Variants in SART1 observed in about 807,000 individuals in gnomAD.
SART1 encodes spliceosome associated factor 1, recruiter of U4/U6.U5 tri-snRNP, also known as U4/U6.U5 tri-snRNP-associated protein 1.
SART1 carries 28 observed loss-of-function variants against 105.0 expected under a neutral mutation model. The ratio of observed to expected loss-of-function variants is 0.27; its 90% CI spans 0.20 to 0.37. The LOEUF (loss-of-function observed/expected upper bound fraction) is 0.37. SART1 is among the 10% of genes least tolerant of loss of function. SART1 has a pLI of 1.00. For synonymous variants in SART1, 472 were observed against 462.9 expected (o/e 1.02, Z -0.25); for missense variants, 894 against 1,106.5 (o/e 0.81, Z 2.72).
At chr11:65,962,172 C>T (rs1855157803) in intron 1 of SART1, 79 bp downstream of exon 1, 22 of 1,079,286 alleles carry the variant, frequency 2.0e-5, no homozygotes, top group Non-Finnish European at 2.6e-5. Flanking sequence ...CGCGCAGTGT[C>T]AGCGAAGCTC....
chr11:65,974,851 C>G (rs746996626), intron 12 of SART1, among the ~76,000 whole-genome samples: 1 of 151,766 alleles, frequency 6.6e-6, no homozygotes, highest in Non-Finnish European at 1.5e-5. Context: ...CAGGCTAGTA[C>G]GGTGAAACCC....
rs988139258 is a variant in SART1, at chr11:65,977,109, G to C, written c.1945+8G>C. Reference sequence around the variant, plus strand: ...TCCTGTGTCAGAACAAAGGTAGGGAGCTCAGGGCAGCCATGACTTGGGTGG... The same window carrying C: ...TCCTGTGTCAGAACAAAGGTAGGGACCTCAGGGCAGCCATGACTTGGGTGG... On this transcript the variant is annotated splice_region_variant and intron_variant, in intron 15 of 19. Transcript: ENST00000312397. 1 of 1,609,458 alleles carries C rather than the reference G, an allele frequency of 6.2e-7. No individual in the cohort carries two copies. Among genetic ancestry groups the C allele is most frequent in the Admixed American group, 1.7e-5 (1 of 59,982 alleles).
At chr11:65,963,902 C>G (rs143726227) in intron 1 of SART1, 172 bp from the exon 2 acceptor site, 3 of 624,654 alleles carry the variant, frequency 4.8e-6, no homozygotes, top group Non-Finnish European at 8.5e-6. Context: ...AGACTGGACT[C>G]GGGCAGAGGA....
At chr11:65,977,961 A>C in intron 17 of SART1, 62 bp downstream of exon 17, 1 of 1,545,224 alleles carries the variant, frequency 6.5e-7, no homozygotes, top group Non-Finnish European at 8.8e-7. Flanking sequence ...GCCCAGGGCC[A>C]TGCAATGCCC....
Position 65,976,999 on chromosome 11 carries a change from C to G in SART1, c.1858-15C>G. 1 of 1,610,180 alleles carries G rather than the reference C, an allele frequency of 6.2e-7. No homozygotes were observed. Among genetic ancestry groups the G allele is most frequent in the Non-Finnish European group, 8.5e-7 (1 of 1,176,500 alleles). Reference sequence around the variant, plus strand: ...CGGTATGGCCTGCTAACCACCCCCGCCACGTGTCCCGTAGTTCTCTGCTTC... The same window carrying G: ...CGGTATGGCCTGCTAACCACCCCCGGCACGTGTCCCGTAGTTCTCTGCTTC... On this transcript the variant is annotated splice_polypyrimidine_tract_variant and intron_variant, in intron 14 of 19. Transcript: ENST00000312397. This position sits in a 1 kb window ranked among gnomAD's most constrained non-coding sequence, Gnocchi z 5.1.
At chr11:65,967,207 C>T (rs888946965) in intron 9 of SART1, 52 bp from the exon 10 acceptor site, 17 of 1,596,666 alleles carry the variant, frequency 1.1e-5, no homozygotes, top group Admixed American at 1.7e-5. Context: ...GGGCTTGTGG[C>T]GACCTGCCTT....
chr11:65,968,759 A>C (rs891460162), intron 12 of SART1, among the ~76,000 whole-genome samples: 3 of 152,136 alleles, frequency 2.0e-5, no homozygotes, highest in African/African-American at 7.2e-5. Flanking sequence ...GGAGCAGAGC[A>C]GAGAGTGAGG....
chr11:65,971,422 AGCT>A (rs776634921), intron 12 of SART1, among the ~76,000 whole-genome samples: 7 of 77,896 alleles, frequency 9.0e-5, no homozygotes, highest in South Asian at 5.5e-4. Context: ...GGGATTCATG[AGCT>A]GCTGAGGAGG....
At chr11:65,974,186 C>A (rs1428862287) in intron 12 of SART1, among the ~76,000 whole-genome samples, 1 of 129,608 alleles carries the variant, frequency 7.7e-6, no homozygotes, top group Non-Finnish European at 1.6e-5. Flanking sequence ...CATGGTGAAA[C>A]CCCCTCTCTA....
At position 65,967,464 on chromosome 11, in the gene SART1, C is replaced by A. The variant is rs1432649543; in HGVS notation, c.1314-7C>A. 1.9e-6 allele frequency: 3 copies of A among 1,613,548 alleles called. No homozygotes were observed. Among genetic ancestry groups the A allele is most frequent in the Non-Finnish European group, 2.5e-6 (3 of 1,179,910 alleles). On this transcript the variant is annotated splice_region_variant and splice_polypyrimidine_tract_variant and intron_variant, in intron 10 of 19. Transcript: ENST00000312397. ...CGGTGCTCACCAGAGAGGCCTCCTTCCCTCAGACTGCGGGGACGGGGTCGC... is the reference window on the plus strand; with the variant it reads ...CGGTGCTCACCAGAGAGGCCTCCTTACCTCAGACTGCGGGGACGGGGTCGC...
rs1208121828 is a variant in SART1, at chr11:65,976,013, G to A, written c.1573-382G>A. Among the ~76,000 whole-genome samples the A allele has an allele frequency of 6.6e-6, 1 of 152,156 alleles. No homozygotes were observed. The highest frequency in any genetic ancestry group is 1.9e-4 in the East Asian group (1 of 5,192). Reference sequence around the variant, plus strand: ...CCACCTCACCACCCTGCGGGTTCTAGAAGTGCTGTCTAGAGTCCTGAAACC... The same window carrying A: ...CCACCTCACCACCCTGCGGGTTCTAAAAGTGCTGTCTAGAGTCCTGAAACC... On this transcript the variant is annotated intron_variant, in intron 12 of 19. Coordinates refer to ENST00000312397, the MANE Select transcript of SART1 (RefSeq NM_005146.5). This position sits in a 1 kb window ranked among gnomAD's most constrained non-coding sequence, Gnocchi z 5.1.
At position 65,967,306 on chromosome 11, in the gene SART1, G is replaced by A. The variant is rs1287114424; in HGVS notation, c.1236G>A (p.Lys412=). Residue 412 remains lysine (K), a synonymous_variant, in exon 10 of 20, where the codon AAG becomes AAA. Coordinates refer to ENST00000312397, the MANE Select transcript of SART1 (RefSeq NM_005146.5). The stretch of plus-strand genomic sequence containing the variant: ...GGAGGGTGAAGAAAATCCGCAAGAA[G>A]GAGAAGGAGGTAGTAGTGCGGGCAG... ...TKRRVKKIRK[K]EKEVVVRADD... The A allele has an allele frequency of 1.9e-6, 3 of 1,614,168 alleles. No individual in the cohort carries two copies. Among genetic ancestry groups the A allele is most frequent in the Non-Finnish European group, 2.5e-6 (3 of 1,180,026 alleles).
chr11:65,979,039 T>G lies in SART1; in HGVS notation c.*9T>G. 1.2e-6 allele frequency: 2 copies of G among 1,614,020 alleles called. No homozygotes were observed. The highest frequency in any genetic ancestry group is 1.7e-6 in the Non-Finnish European group (2 of 1,179,974). ...ACACCATCACCAAGTGACAGCGCCC[T>G]CCCGCCCCGGCCCTGCCTCAACCTT... On this transcript the variant is annotated 3_prime_UTR_variant, in exon 20 of 20. Transcript: ENST00000312397.
chr11:65,965,467 G>C lies in SART1; in HGVS notation c.660+20G>C, dbSNP rs905684196. The C allele has an allele frequency of 6.5e-7, 1 of 1,548,084 alleles. No homozygotes were observed. ...AAGAGGGTGAGCACCTGGGCAGCATGGGGTGGTCGCCTAGTGCTTCTGGTG... is the reference window on the plus strand; with the variant it reads ...AAGAGGGTGAGCACCTGGGCAGCATCGGGTGGTCGCCTAGTGCTTCTGGTG... On this transcript the variant is annotated intron_variant, in intron 5 of 19. Transcript: ENST00000312397.
In SART1 at chr11:65,979,111, TACA is replaced by T; in HGVS notation, c.*82_*84del. The T allele has an allele frequency of 1.3e-6, 2 of 1,576,208 alleles. No individual in the cohort carries two copies. Among genetic ancestry groups the T allele is most frequent in the Middle Eastern group, 1.7e-4 (1 of 6,002 alleles). The stretch of plus-strand genomic sequence containing the variant: ...CTTATTTTTTCCTCCCTGGTCGTGG[TACA>T]GATTCCAGGGTTGGATCTTTGGTTG... On this transcript the variant is annotated 3_prime_UTR_variant, in exon 20 of 20. Transcript: ENST00000312397.
intron 3 of SART1, 184 bp from the exon 4 acceptor site, chr11:65,964,908 C>T: frequency 2.7e-6 from 2 of 735,210 alleles, no homozygotes; most frequent in Admixed American, 3.5e-5. Context: ...ACAGAGGGTC[C>T]TGTTGTGCTG....
chr11:65,964,279 A>G lies in SART1; in HGVS notation c.371+148A>G, dbSNP rs968542589. The stretch of plus-strand genomic sequence containing the variant: ...TCTTAGCCAACAGTTGACTTATAGA[A>G]GAGAAAACTAAAACCTAAGAGTAAA... On this transcript the variant is annotated intron_variant, in intron 2 of 19. Coordinates refer to ENST00000312397, the MANE Select transcript of SART1 (RefSeq NM_005146.5). The G allele has an allele frequency of 6.9e-6, 6 of 868,088 alleles. No homozygotes were observed. In the Admixed American group the frequency reaches 8.1e-5, roughly 12 times the overall value. 53.8% of individuals were successfully genotyped at this position (868,088 alleles called of 1,614,324 possible).
chr11:65,973,858 A>T (rs1855430538), intron 12 of SART1, among the ~76,000 whole-genome samples: 1 of 152,160 alleles, frequency 6.6e-6, no homozygotes, highest in Admixed American at 6.5e-5. Flanking sequence ...ATCACAGAAG[A>T]GTCATACAGT....
rs147708849 is a variant in SART1, at chr11:65,978,897, C to T, written c.2367C>T (p.Ser789=). The change falls in exon 19 of 20, where the codon AGC becomes AGT. Residue 789 remains serine, a synonymous_variant. Coordinates refer to ENST00000312397, the MANE Select transcript of SART1 (RefSeq NM_005146.5). The surrounding 1 kb of genome is among the most constrained non-coding windows in gnomAD (Gnocchi z 6.8). ...QKTPYIVLSG[S]GKSMNANTIT... ...CCCCCTACATCGTGCTCAGCGGCAG[C>T]GGCAAGAGCATGAACGCGTGAGTGG... 7.1e-5 allele frequency: 115 copies of T among 1,613,668 alleles called. No individual in the cohort carries two copies. The highest frequency in any genetic ancestry group is 1.9e-4 in the African/African-American group (14 of 74,842).
Sources: allele counts gnomAD v4.1 joint callset (sites outside exome capture counted in the v4.1 genomes callset), GRCh38; gene constraint gnomAD v4.1.1; non-coding constraint Gnocchi (gnomAD v3.1); transcripts MANE v1.5; gene names NCBI Gene and HGNC (gene_info 2026-07-23, HGNC 2026-07-21).